SPOCK1: variants seen among roughly 807,000 people sequenced by gnomAD.
The protein encoded by SPOCK1 is SPARC (osteonectin), cwcv and kazal like domains proteoglycan 1.
Under a neutral mutation model 55.3 loss-of-function variants are expected in SPOCK1, and 23 were observed. That is an observed-to-expected ratio of 0.42 (90% CI 0.30 to 0.59). SPOCK1 has a LOEUF of 0.59. Among genes scored for constraint, SPOCK1 ranks in the 20% least tolerant of loss-of-function variants. The pLI is 0.22. For missense variants in SPOCK1, 499 were observed against 552.5 expected (o/e 0.90, Z 0.97); for synonymous variants, 226 against 221.0 (o/e 1.02, Z -0.20).
intron 2 of SPOCK1, among the ~76,000 whole-genome samples, chr5:137,385,498 A>G (rs1751579855): frequency 6.6e-6 from 1 of 152,242 alleles, no homozygotes; most frequent in Non-Finnish European, 1.5e-5. Context: ...CAAATAGTAC[A>G]TGGTCCAAAA....
chr5:137,208,774 G>T (rs1755562220), intron 3 of SPOCK1, among the ~76,000 whole-genome samples: 1 of 151,896 alleles, frequency 6.6e-6, no homozygotes, highest in African/African-American at 2.4e-5. Flanking sequence ...CAGTACCTGG[G>T]TGATGGGATC....
chr5:137,077,009 C>T (rs189776014), intron 5 of SPOCK1, among the ~76,000 whole-genome samples: 34 of 152,200 alleles, frequency 2.2e-4, no homozygotes, highest in East Asian at 2.1e-3. Context: ...CTGCAAGCTC[C>T]GCCTCCTGGG....
intron 6 of SPOCK1, among the ~76,000 whole-genome samples, chr5:137,051,494 G>A (rs1752207589): frequency 6.6e-6 from 1 of 152,112 alleles, no homozygotes; most frequent in South Asian, 2.1e-4. Context: ...AATTTTATCT[G>A]GTCTCAGAGT....
At chr5:137,251,970 A>C (rs897269314) in intron 3 of SPOCK1, among the ~76,000 whole-genome samples, 7 of 150,702 alleles carry the variant, frequency 4.6e-5, no homozygotes, top group African/African-American at 1.5e-4. Context: ...CCCAGGCTGG[A>C]GTGCAGTGGT....
chr5:137,356,830 TATATATATAGAGAGAGAGAGAGAG>T (rs1180444358), intron 2 of SPOCK1, among the ~76,000 whole-genome samples: 1 of 11,990 alleles, frequency 8.3e-5, no homozygotes, highest in African/African-American at 3.5e-4. Flanking sequence ...TATATATATA[TATATATATAGAGAGAGAGAGAGAG>T]AGAGAGAGAG....
chr5:137,437,880 T>A (rs948626297), intron 2 of SPOCK1, among the ~76,000 whole-genome samples: 15 of 152,182 alleles, frequency 9.9e-5, no homozygotes, highest in African/African-American at 3.6e-4. Flanking sequence ...CTTGAGAAAC[T>A]GAAATTTATA....
chr5:137,060,559 C>G (rs1752377787), intron 6 of SPOCK1, among the ~76,000 whole-genome samples: 1 of 152,074 alleles, frequency 6.6e-6, no homozygotes, highest in African/African-American at 2.4e-5. Context: ...TGCAATTTAT[C>G]TATAGAACCA....
intron 2 of SPOCK1, among the ~76,000 whole-genome samples, chr5:137,440,566 A>G (rs1752979074): frequency 6.6e-6 from 1 of 152,228 alleles, no homozygotes; most frequent in Non-Finnish European, 1.5e-5. Context: ...CTCCAACTTA[A>G]GCACCATCCA....
intron 3 of SPOCK1, among the ~76,000 whole-genome samples, chr5:137,169,873 G>T (rs1754716206): frequency 6.6e-6 from 1 of 152,192 alleles, no homozygotes; most frequent in Admixed American, 6.5e-5. Flanking sequence ...AAAATCTCTT[G>T]TCTTTCTCCT....
chr5:137,117,295 T>C (rs1753606535), intron 4 of SPOCK1, among the ~76,000 whole-genome samples: 2 of 152,244 alleles, frequency 1.3e-5, no homozygotes, highest in Admixed American at 1.3e-4. Flanking sequence ...ACAATGTCTA[T>C]TCCTTGTTCA....
intron 2 of SPOCK1, among the ~76,000 whole-genome samples, chr5:137,289,965 G>A (rs181746421): frequency 1.2e-3 from 182 of 152,232 alleles, no homozygotes; most frequent in Non-Finnish European, 2.2e-3. Context: ...GAAAAGATGT[G>A]GAGCAACTGG....
At chr5:137,250,798 C>A (rs1219540287) in intron 3 of SPOCK1, among the ~76,000 whole-genome samples, 2 of 152,186 alleles carry the variant, frequency 1.3e-5, no homozygotes, top group African/African-American at 2.4e-5. Flanking sequence ...AAGATCAGAG[C>A]AAACAAATGT....
At chr5:137,320,451 G>A (rs766524652) in intron 2 of SPOCK1, among the ~76,000 whole-genome samples, 10 of 152,246 alleles carry the variant, frequency 6.6e-5, no homozygotes, top group Admixed American at 1.3e-4. Flanking sequence ...AGGGTGGAAT[G>A]TATATATTGT....
In SPOCK1 at chr5:136,975,428, T is replaced by G. The variant is rs140538810; in HGVS notation, c.*3226A>C. The G allele has an allele frequency of 5.0e-4, 77 of 152,736 alleles. No homozygotes were observed. The highest frequency in any genetic ancestry group is 9.7e-4 in the Non-Finnish European group (66 of 68,034). 9.5% of individuals were successfully genotyped at this position (152,736 alleles called of 1,614,324 possible). On this transcript the variant is annotated 3_prime_UTR_variant, in exon 11 of 11. Transcript: ENST00000394945. The stretch of plus-strand genomic sequence containing the variant: ...GTCTACGTGGAAAAGCATTCAGAAT[T>G]TACTAGGTTTTTGCTACATCACTAT...
chr5:137,010,798 C>T (rs550579246), intron 6 of SPOCK1, among the ~76,000 whole-genome samples: 1 of 152,124 alleles, frequency 6.6e-6, no homozygotes, highest in Non-Finnish European at 1.5e-5. Flanking sequence ...CTACCACATG[C>T]CGAAATTGGG....
intron 6 of SPOCK1, among the ~76,000 whole-genome samples, chr5:137,019,663 G>C (rs1751529151): frequency 6.6e-6 from 1 of 151,998 alleles, no homozygotes; most frequent in Non-Finnish European, 1.5e-5. Flanking sequence ...AATGAAGACA[G>C]TGTGAGACAA....
At chr5:137,405,097 G>A (rs908275976) in intron 2 of SPOCK1, among the ~76,000 whole-genome samples, 4 of 152,128 alleles carry the variant, frequency 2.6e-5, no homozygotes, top group African/African-American at 7.2e-5. Flanking sequence ...CACCTATAGC[G>A]CCAGAAAATT....
At chr5:137,125,949 G>A (rs1753775464) in intron 4 of SPOCK1, among the ~76,000 whole-genome samples, 1 of 152,202 alleles carries the variant, frequency 6.6e-6, no homozygotes, top group African/African-American at 2.4e-5. Context: ...GATCGCCTTA[G>A]AGAATACCTA....
rs559618934 is a variant in SPOCK1, at chr5:137,328,821, G to A, written c.187-61766C>T. Among the ~76,000 whole-genome samples, 205 of 152,184 alleles carry A rather than the reference G, an allele frequency of 1.3e-3. 2 individuals are homozygous for A. The highest frequency in any genetic ancestry group is 6.8e-3 in the Middle Eastern group (2 of 294). ...GCCATCTGCATCACTACTTCTAAAC[G>A]ACATCGTCTCTGTATACCATGGGAT... On this transcript the variant is annotated intron_variant, in intron 2 of 10. Transcript: ENST00000394945.
Sources: gnomAD v4.1 joint callset for allele counts (sites outside exome capture counted in the v4.1 genomes callset) on GRCh38, gnomAD v4.1.1 for gene constraint, MANE v1.5 for transcripts, NCBI Gene and HGNC (gene_info 2026-07-23, HGNC 2026-07-21) for gene names.